CCSER1: variants seen among roughly 807,000 people sequenced by gnomAD.
CCSER1 encodes serine-rich coiled-coil domain-containing protein 1.
Under a neutral mutation model 82.0 loss-of-function variants are expected in CCSER1, and 41 were observed. That is an observed-to-expected ratio of 0.50 (90% CI 0.39 to 0.65). The LOEUF is 0.65. CCSER1 is among the 30% of genes least tolerant of loss of function. CCSER1 has a pLI of 0.00. For synonymous variants in CCSER1, 414 were observed against 383.9 expected (o/e 1.08, Z -0.92); for missense variants, 1,119 against 1,064.2 (o/e 1.05, Z -0.72).
intron 3 of CCSER1, among the ~76,000 whole-genome samples, chr4:90,349,912 C>A (rs950475113): frequency 2.6e-5 from 4 of 152,032 alleles, no homozygotes; most frequent in Admixed American, 6.6e-5. Context: ...GACTTAGAAA[C>A]CCTAAACTGT....
At chr4:90,940,155 C>A (rs1731421118) in intron 9 of CCSER1, among the ~76,000 whole-genome samples, 3 of 152,104 alleles carry the variant, frequency 2.0e-5, no homozygotes, top group Non-Finnish European at 1.5e-5. Flanking sequence ...AAGAAAGGTA[C>A]ATTTTTTCCT....
At chr4:91,014,660 GACAAA>G (rs1739270021) in intron 9 of CCSER1, among the ~76,000 whole-genome samples, 2 of 150,982 alleles carry the variant, frequency 1.3e-5, no homozygotes, top group East Asian at 2.0e-4. Flanking sequence ...CTTATTTTTT[GACAAA>G]GTCTAAGCAA....
intron 9 of CCSER1, among the ~76,000 whole-genome samples, chr4:91,069,089 G>A (rs942407004): frequency 1.4e-4 from 22 of 152,046 alleles, no homozygotes; most frequent in African/African-American, 4.8e-4. Flanking sequence ...CAGAAGAATC[G>A]CTTGAAACTA....
intron 1 of CCSER1, among the ~76,000 whole-genome samples, chr4:90,158,276 T>C (rs1179205799): frequency 6.6e-6 from 1 of 152,114 alleles, no homozygotes; most frequent in African/African-American, 2.4e-5. Context: ...GAGGTGTCAG[T>C]CTACCCCTAC....
intron 10 of CCSER1, among the ~76,000 whole-genome samples, chr4:91,100,633 T>G (rs895820406): frequency 2.6e-5 from 4 of 152,216 alleles, no homozygotes; most frequent in Non-Finnish European, 4.4e-5. Flanking sequence ...TTTCCACATG[T>G]TATATTACAG....
intron 10 of CCSER1, among the ~76,000 whole-genome samples, chr4:91,486,384 C>A (rs1204791957): frequency 1.3e-5 from 2 of 151,892 alleles, no homozygotes; most frequent in African/African-American, 2.4e-5. Context: ...ATTAGAGACA[C>A]TTTTTTGAAA....
intron 5 of CCSER1, among the ~76,000 whole-genome samples, chr4:90,592,019 C>T (rs914126323): frequency 6.6e-6 from 1 of 151,990 alleles, no homozygotes; most frequent in Non-Finnish European, 1.5e-5. Context: ...AAACATTACA[C>T]ACGGGGGTCT....
chr4:90,593,041 T>C (rs1452103644), intron 5 of CCSER1, among the ~76,000 whole-genome samples: 1 of 152,156 alleles, frequency 6.6e-6, no homozygotes, highest in Non-Finnish European at 1.5e-5. Flanking sequence ...AATTCTTCAT[T>C]AGATAAAATG....
intron 3 of CCSER1, among the ~76,000 whole-genome samples, chr4:90,396,982 T>C (rs1752047826): frequency 6.6e-6 from 1 of 152,178 alleles, no homozygotes; most frequent in South Asian, 2.1e-4. Flanking sequence ...CTGCTATTGG[T>C]GTCTTTTAGG....
intron 10 of CCSER1, among the ~76,000 whole-genome samples, chr4:91,315,219 CAA>C (rs1745749261): frequency 6.6e-6 from 1 of 151,468 alleles, no homozygotes; most frequent in African/African-American, 2.4e-5. Flanking sequence ...AGGAGGCAGA[CAA>C]AGAGTAATCT....
At chr4:90,578,683 G>T (rs1327901911) in intron 5 of CCSER1, among the ~76,000 whole-genome samples, 2 of 152,016 alleles carry the variant, frequency 1.3e-5, no homozygotes, top group Non-Finnish European at 2.9e-5. Flanking sequence ...ATTCCCTTTT[G>T]CTATGTGGCA....
At chr4:91,070,445 C>T (rs945182930) in intron 9 of CCSER1, among the ~76,000 whole-genome samples, 1 of 152,170 alleles carries the variant, frequency 6.6e-6, no homozygotes, top group Non-Finnish European at 1.5e-5. Flanking sequence ...AGAATGGGGA[C>T]ACTGTCCTGT....
At chr4:90,418,994 A>G (rs1756246108) in intron 4 of CCSER1, among the ~76,000 whole-genome samples, 1 of 152,020 alleles carries the variant, frequency 6.6e-6, no homozygotes. Context: ...AGAGAAACCC[A>G]GAAGAGCACT....
chr4:90,222,571 C>T lies in CCSER1; in HGVS notation c.-41-85673C>T, dbSNP rs867620868. ...GGGAAGGAACAGATCACACAATTTA[C>T]GCACGTTTATTTTATAGTGGAATTT... is the stretch of plus-strand genomic sequence containing the variant. On this transcript the variant is annotated intron_variant, in intron 1 of 10. Transcript: ENST00000509176. Among the ~76,000 whole-genome samples, 4 of 152,236 alleles carry T rather than the reference C, an allele frequency of 2.6e-5. No homozygotes were observed. The South Asian group carries it at 6.2e-4, about 24-fold the overall frequency.
rs536662397 is a variant in CCSER1 at position 90,205,021 on chromosome 4, T to C, written c.-42+77190T>C. On this transcript the variant is annotated intron_variant, in intron 1 of 10. Coordinates refer to ENST00000509176, the MANE Select transcript of CCSER1 (RefSeq NM_001145065.2). ...GTCTGTTATTGGTGTATAGGAATGCTTGTGATTTTCACACGTTGATTTTGT... is the reference window on the plus strand; with the variant it reads ...GTCTGTTATTGGTGTATAGGAATGCCTGTGATTTTCACACGTTGATTTTGT... Among the ~76,000 whole-genome samples the C allele has an allele frequency of 3.9e-5, 6 of 152,344 alleles. No individual in the cohort carries two copies. The East Asian group carries it at 9.6e-4, about 24-fold the overall frequency.
intron 10 of CCSER1, among the ~76,000 whole-genome samples, chr4:91,415,310 T>C (rs1036533980): frequency 2.6e-5 from 4 of 152,150 alleles, no homozygotes; most frequent in Non-Finnish European, 5.9e-5. Flanking sequence ...GCTTTTGGGC[T>C]GAGTTGATGA....
intron 5 of CCSER1, among the ~76,000 whole-genome samples, chr4:90,607,392 G>A (rs1784866763): frequency 6.6e-6 from 1 of 152,088 alleles, no homozygotes; most frequent in African/African-American, 2.4e-5. Context: ...CAAACTGGGT[G>A]GCTTAAACCA....
intron 6 of CCSER1, among the ~76,000 whole-genome samples, chr4:90,682,830 T>A (rs1375139210): frequency 6.6e-6 from 1 of 152,124 alleles, no homozygotes; most frequent in East Asian, 1.9e-4. Context: ...ACTAAATAGC[T>A]CTAAATTTGT....
chr4:90,909,824 T>A (rs1726058868), intron 8 of CCSER1, among the ~76,000 whole-genome samples: 1 of 152,192 alleles, frequency 6.6e-6, no homozygotes, highest in African/African-American at 2.4e-5. Context: ...ACTTTGCCAG[T>A]GTTTAAATAT....
Sources: allele counts gnomAD v4.1 joint callset (sites outside exome capture counted in the v4.1 genomes callset), GRCh38; gene constraint gnomAD v4.1.1; transcripts MANE v1.5; gene names NCBI Gene and HGNC (gene_info 2026-07-23, HGNC 2026-07-21).